TSPAN8: variants seen among roughly 807,000 people sequenced by gnomAD.
TSPAN8 encodes tetraspanin 8.
TSPAN8 carries 21 observed loss-of-function variants against 32.8 expected under a neutral mutation model. The ratio of observed to expected loss-of-function variants is 0.64; its 90% CI spans 0.45 to 0.92. The LOEUF is 0.92. TSPAN8 is among the 40% of genes least tolerant of loss of function. The pLI is 0.00. For synonymous variants in TSPAN8, 95 were observed against 94.6 expected (o/e 1.00, Z -0.03); for missense variants, 269 against 281.9 (o/e 0.95, Z 0.33).
Position 71,132,815 on chromosome 12 carries a change from A to C in TSPAN8, c.454T>G (p.Cys152Gly). 6.2e-7 allele frequency: 1 copy of C among 1,613,950 alleles called. No individual in the cohort carries two copies. The highest frequency in any genetic ancestry group is 8.5e-7 in the Non-Finnish European group (1 of 1,179,966). The change falls in exon 7 of 9, where the codon TGC becomes GGC. Residue 152 changes from cysteine (C) to glycine (G), a missense_variant. By Grantham distance (159) the Cys-to-Gly change is radical (BLOSUM62 -3). Coordinates refer to ENST00000247829, the MANE Select transcript of TSPAN8 (RefSeq NM_004616.3). ...TCAGCAGCTCCATTGACCAAACCGC[A>C]GCATTTAAACTGTTTGATAAAAGGT... The part of the protein sequence containing the change: ...IIVFQEEFKC[C>G]GLVNGAADWG...
chr12:71,152,678 G>A (rs1872293884), intron 2 of TSPAN8, among the ~76,000 whole-genome samples: 1 of 152,130 alleles, frequency 6.6e-6, no homozygotes, highest in Non-Finnish European at 1.5e-5. Context: ...TGCTGTTTTA[G>A]CTCCATGCTA....
Position 71,125,257 on chromosome 12 carries a change from TTACA to T in TSPAN8, c.*73_*76del. 1 of 1,304,162 alleles carries T rather than the reference TTACA, an allele frequency of 7.7e-7. No homozygotes were observed. Among genetic ancestry groups the T allele is most frequent in the Non-Finnish European group, 1.1e-6 (1 of 920,476 alleles). The allele number at this position is 1,304,162 out of a possible 1,614,324, so 80.8% of individuals were successfully genotyped here. A position where few individuals can be genotyped will look rare whatever the true frequency, so the allele number is the denominator to read the frequency against. On this transcript the variant is annotated 3_prime_UTR_variant, in exon 9 of 9. Transcript: ENST00000247829. ...CAGCTGCTCCTGACTTATATAGCAC[TTACA>T]TATTTAAATTTACAAAGCCAAAGCA...
intron 4 of TSPAN8, 22 bp downstream of exon 4, chr12:71,139,689 G>C (rs1649472703): frequency 6.2e-7 from 1 of 1,611,118 alleles, no homozygotes. Flanking sequence ...GTTGGACACT[G>C]GGATTTGTTT....
At chr12:71,129,285 ACAAG>A in intron 8 of TSPAN8, 42 bp downstream of exon 8, 1 of 1,482,396 alleles carries the variant, frequency 6.7e-7, no homozygotes, top group African/African-American at 1.5e-5. Context: ...AAATTAATGA[ACAAG>A]CAAGGGAATA....
chr12:71,143,587 A>G (rs1238442688), intron 3 of TSPAN8, among the ~76,000 whole-genome samples: 3 of 152,168 alleles, frequency 2.0e-5, no homozygotes, highest in Non-Finnish European at 2.9e-5. Context: ...AGTTTCACCA[A>G]GTTAGATTAG....
chr12:71,151,437 A>T (rs1240773252), intron 2 of TSPAN8, among the ~76,000 whole-genome samples: 1 of 152,180 alleles, frequency 6.6e-6, no homozygotes, highest in Non-Finnish European at 1.5e-5. Flanking sequence ...AAATTTAGGG[A>T]AAATAAATCA....
chr12:71,153,281 A>T (rs1872316633), intron 2 of TSPAN8, among the ~76,000 whole-genome samples: 1 of 152,222 alleles, frequency 6.6e-6, no homozygotes, highest in Admixed American at 6.5e-5. Flanking sequence ...TAGGTTTCGT[A>T]CCTATAATTT....
chr12:71,136,939 C>T (rs1871716187), intron 6 of TSPAN8, among the ~76,000 whole-genome samples: 1 of 152,150 alleles, frequency 6.6e-6, no homozygotes, highest in Admixed American at 6.5e-5. Flanking sequence ...TTAGCTATTA[C>T]CATTTTTATG....
intron 2 of TSPAN8, chr12:71,157,268 G>A (rs1872473716): frequency 4.8e-6 from 1 of 206,662 alleles, no homozygotes; most frequent in Non-Finnish European, 9.8e-6. Flanking sequence ...ATCAGACCAT[G>A]TTTTTACCAC....
chr12:71,128,004 G>A (rs1160852229), intron 8 of TSPAN8, among the ~76,000 whole-genome samples: 3 of 152,038 alleles, frequency 2.0e-5, no homozygotes, highest in Non-Finnish European at 4.4e-5. Context: ...ATGGCCATTA[G>A]TCCTTATTTC....
intron 2 of TSPAN8, among the ~76,000 whole-genome samples, chr12:71,150,223 A>G (rs1356056698): frequency 6.6e-6 from 1 of 152,248 alleles, no homozygotes; most frequent in Non-Finnish European, 1.5e-5. Context: ...TCAAGACAAC[A>G]CATGCACCGC....
chr12:71,144,545 A>C (rs1022947119), intron 2 of TSPAN8, among the ~76,000 whole-genome samples: 4 of 152,186 alleles, frequency 2.6e-5, no homozygotes, highest in African/African-American at 9.7e-5. Context: ...AAGAAAAGTC[A>C]CAACAGTTTA....
intron 2 of TSPAN8, among the ~76,000 whole-genome samples, chr12:71,149,369 CAAAA>C (rs35841431): frequency 4.4e-5 from 4 of 91,594 alleles, no homozygotes; most frequent in South Asian, 6.9e-4. Context: ...ACTCTTGTCT[CAAAA>C]AAAAAAAAAA....
intron 3 of TSPAN8, among the ~76,000 whole-genome samples, chr12:71,143,507 G>C (rs914624102): frequency 6.6e-5 from 10 of 152,238 alleles, no homozygotes; most frequent in African/African-American, 2.4e-4. Context: ...AATGGTGTGT[G>C]GGGGAGGAAA....
chr12:71,152,658 T>A (rs1305724320), intron 2 of TSPAN8, among the ~76,000 whole-genome samples: 1 of 152,214 alleles, frequency 6.6e-6, no homozygotes, highest in Non-Finnish European at 1.5e-5. Flanking sequence ...TGGACTCTAA[T>A]GCCTTTTGGT....
Position 71,129,068 on chromosome 12 carries a change from C to A in TSPAN8, c.660+263G>T, listed in dbSNP as rs118133114. On this transcript the variant is annotated intron_variant, in intron 8 of 8. Transcript: ENST00000247829. Reference sequence around the variant, plus strand: ...ACTAAGAACTATGTGAAAATTAATTCTATCTTTTTCCCGGTAGAGAGGTCA... The same window carrying A: ...ACTAAGAACTATGTGAAAATTAATTATATCTTTTTCCCGGTAGAGAGGTCA... Among the ~76,000 whole-genome samples the A allele has an allele frequency of 6.9e-3, 1,054 of 152,208 alleles. 42 individuals carry two copies. Among genetic ancestry groups the A allele is most frequent in the Admixed American group, 0.055 (848 of 15,280 alleles).
At chr12:71,156,055 T>C (rs918259300) in intron 2 of TSPAN8, among the ~76,000 whole-genome samples, 1 of 152,040 alleles carries the variant, frequency 6.6e-6, no homozygotes, top group Non-Finnish European at 1.5e-5. Flanking sequence ...TCAAGAATTA[T>C]TATGTTTCAG....
intron 6 of TSPAN8, among the ~76,000 whole-genome samples, chr12:71,133,152 C>T (rs552908966): frequency 2.6e-5 from 4 of 152,168 alleles, no homozygotes; most frequent in South Asian, 2.1e-4. Context: ...GACGCGATCT[C>T]GGCTCACTGC....
Position 71,125,319 on chromosome 12 carries a change from G to C in TSPAN8, c.*15C>G, listed in dbSNP as rs756756700. 6.2e-7 allele frequency: 1 copy of C among 1,608,992 alleles called. No individual in the cohort carries two copies. The highest frequency in any genetic ancestry group is 8.5e-7 in the Non-Finnish European group (1 of 1,177,538). On this transcript the variant is annotated 3_prime_UTR_variant, in exon 9 of 9. Coordinates refer to ENST00000247829, the MANE Select transcript of TSPAN8 (RefSeq NM_004616.3). ...AAAGGGGTTTGACTGACGATAGGTTGATGCATCCACAGATTCATTTGTTCC... is the reference window on the plus strand; with the variant it reads ...AAAGGGGTTTGACTGACGATAGGTTCATGCATCCACAGATTCATTTGTTCC...
Sources: gnomAD v4.1 joint callset for allele counts (sites outside exome capture counted in the v4.1 genomes callset) on GRCh38, gnomAD v4.1.1 for gene constraint, MANE v1.5 for transcripts, NCBI Gene and HGNC (gene_info 2026-07-23, HGNC 2026-07-21) for gene names.